ICE2: variants seen among roughly 807,000 people sequenced by gnomAD.
The protein encoded by ICE2 is little elongation complex subunit 2.
ICE2 carries 87 observed loss-of-function variants against 105.4 expected under a neutral mutation model. That is an observed-to-expected ratio of 0.83 (90% CI 0.69 to 0.99). ICE2 has a LOEUF of 0.99. Among genes scored for constraint, ICE2 ranks in the 50% least tolerant of loss-of-function variants. ICE2 has a pLI of 0.00. For synonymous variants in ICE2, 399 were observed against 392.0 expected (o/e 1.02, Z -0.21); for missense variants, 1,323 against 1,146.7 (o/e 1.15, Z -2.22).
At chr15:60,453,565 G>A (rs1392424656) in intron 9 of ICE2, 38 bp downstream of exon 9, 1 of 1,602,704 alleles carries the variant, frequency 6.2e-7, no homozygotes. Flanking sequence ...GGATAAACAA[G>A]TACATTCCCC....
chr15:60,464,808 G>A (rs1203437478), intron 5 of ICE2, among the ~76,000 whole-genome samples: 1 of 152,158 alleles, frequency 6.6e-6, no homozygotes, highest in Non-Finnish European at 1.5e-5. Context: ...TTTGAGGTCA[G>A]GAGTTTGAGA....
At chr15:60,454,333 C>G (rs983500048) in intron 8 of ICE2, among the ~76,000 whole-genome samples, 1 of 152,140 alleles carries the variant, frequency 6.6e-6, no homozygotes, top group Non-Finnish European at 1.5e-5. Context: ...TACTGTTATT[C>G]CAAATTCCAG....
intron 14 of ICE2, among the ~76,000 whole-genome samples, chr15:60,430,968 T>TAA (rs2063445179): frequency 6.6e-6 from 1 of 151,772 alleles, no homozygotes; most frequent in African/African-American, 2.4e-5. Flanking sequence ...GCCTCCCGGG[T>TAA]TCAAGCGATT....
rs1212809959 is a variant in ICE2, at chr15:60,454,894, C to T, written c.943+109G>A. 4.0e-6 allele frequency: 4 copies of T among 1,001,456 alleles called. 1 individual carries two copies. The highest frequency in any genetic ancestry group is 2.9e-5 in the Admixed American group (1 of 34,356). The allele number at this position is 1,001,456 out of a possible 1,614,324, so 62.0% of individuals were successfully genotyped here. On this transcript the variant is annotated intron_variant, in intron 8 of 15. Coordinates refer to ENST00000261520, the MANE Select transcript of ICE2 (RefSeq NM_024611.6). ...TGACAGGCCCCGGTGTGTGTTGTTT[C>T]ACTCTCTGGGTCCATGTGTTCTCAT... is the stretch of plus-strand genomic sequence containing the variant.
chr15:60,475,362 T>C (rs1316150440), intron 3 of ICE2, among the ~76,000 whole-genome samples: 2 of 152,196 alleles, frequency 1.3e-5, no homozygotes, highest in East Asian at 3.8e-4. Context: ...TATTAAAATA[T>C]AAACTGTACA....
At position 60,455,178 on chromosome 15, in the gene ICE2, T is replaced by G; in HGVS notation, c.784-16A>C. 1 of 1,559,124 alleles carries G rather than the reference T, an allele frequency of 6.4e-7. No homozygotes were observed. The highest frequency in any genetic ancestry group is 1.2e-5 in the South Asian group (1 of 80,214). ...TACTAATATCCTGAAAAACAACAAG[T>G]AATTTGTTACTTGGTTATACTTATT... On this transcript the variant is annotated splice_polypyrimidine_tract_variant and intron_variant, in intron 7 of 15. Transcript: ENST00000261520.
Position 60,449,665 on chromosome 15 carries a change from G to A in ICE2, c.1302C>T (p.Ala434=). ...TVPNMTDAPT[A]PKAGTTTVAP... is the part of the protein sequence containing the mutation. ...CCACAGTTGTAGTTCCTGCTTTGGG[G>A]GCTGTAGGAGCATCTGTCATGTTAG... Residue 434 remains alanine, a synonymous_variant, in exon 10 of 16, where the codon GCC becomes GCT. Transcript: ENST00000261520. 6.2e-7 allele frequency: 1 copy of A among 1,614,010 alleles called. No individual in the cohort carries two copies.
chr15:60,467,174 G>A (rs1225027243), intron 4 of ICE2, among the ~76,000 whole-genome samples: 1 of 152,114 alleles, frequency 6.6e-6, no homozygotes, highest in Non-Finnish European at 1.5e-5. Flanking sequence ...TGTTGGCCAA[G>A]CTGGTCTTGA....
Position 60,466,714 on chromosome 15 carries a change from C to A in ICE2, c.409-1G>T. Reference sequence around the variant, plus strand: ...CTTCGTTCACATGTTTTTTCATATCCTGATTTTTAAAAAAGTAGACATGTC... The same window carrying A: ...CTTCGTTCACATGTTTTTTCATATCATGATTTTTAAAAAAGTAGACATGTC... On this transcript the variant is annotated splice_acceptor_variant, in intron 4 of 15. Coordinates refer to ENST00000261520, the MANE Select transcript of ICE2 (RefSeq NM_024611.6). LOFTEE classifies it high-confidence loss of function. The A allele has an allele frequency of 6.3e-7, 1 of 1,593,306 alleles. No homozygotes were observed. The highest frequency in any genetic ancestry group is 8.5e-7 in the Non-Finnish European group (1 of 1,173,582).
At chr15:60,474,635 T>G (rs925014746) in intron 3 of ICE2, among the ~76,000 whole-genome samples, 2 of 152,224 alleles carry the variant, frequency 1.3e-5, no homozygotes, top group African/African-American at 4.8e-5. Flanking sequence ...TTTAAGTTAT[T>G]GATAGGGAAG....
chr15:60,444,545 G>A (rs1278665954), intron 11 of ICE2, among the ~76,000 whole-genome samples: 1 of 152,092 alleles, frequency 6.6e-6, no homozygotes. Context: ...TTCACATAAA[G>A]CACTTAGGAT....
chr15:60,471,241 T>TA (rs1026491014), intron 3 of ICE2, among the ~76,000 whole-genome samples: 12 of 151,700 alleles, frequency 7.9e-5, no homozygotes, highest in African/African-American at 2.2e-4. Flanking sequence ...ATAACACAGG[T>TA]AAAAAAAAGA....
intron 14 of ICE2, among the ~76,000 whole-genome samples, chr15:60,431,201 T>A (rs2063453068): frequency 6.6e-6 from 1 of 151,834 alleles, no homozygotes; most frequent in Non-Finnish European, 1.5e-5. Flanking sequence ...TTTTTAATCT[T>A]GAAAGTGAAA....
intron 12 of ICE2, among the ~76,000 whole-genome samples, chr15:60,436,484 G>A (rs1246059945): frequency 1.3e-5 from 2 of 151,820 alleles, no homozygotes; most frequent in Middle Eastern, 3.4e-3. Context: ...CCACACATAC[G>A]AAATCATTTC....
At chr15:60,445,748 T>C (rs2063808891) in intron 11 of ICE2, 2 of 985,246 alleles carry the variant, frequency 2.0e-6, no homozygotes, top group African/African-American at 1.7e-5. Flanking sequence ...AGGCTATTCT[T>C]ACTTAAGAGA....
intron 12 of ICE2, chr15:60,438,933 G>C (rs909789206): frequency 6.6e-6 from 1 of 152,162 alleles, no homozygotes; most frequent in African/African-American, 2.4e-5. Flanking sequence ...TGTGCATCAA[G>C]GTTGGAAAGC....
chr15:60,477,648 A>T (rs2141184833), intron 2 of ICE2, among the ~76,000 whole-genome samples: 1 of 152,316 alleles, frequency 6.6e-6, no homozygotes, highest in South Asian at 2.1e-4. Flanking sequence ...GACTCAAGAA[A>T]ATTCCAGTAT....
Position 60,476,110 on chromosome 15 carries a change from A to C in ICE2, c.99T>G (p.Asp33Glu), listed in dbSNP as rs779311073. 7.5e-6 allele frequency: 12 copies of C among 1,609,400 alleles called. No homozygotes were observed. The highest frequency in any genetic ancestry group is 1.0e-5 in the Non-Finnish European group (12 of 1,178,264). ...KTFFSRENYK[D>E]HSMAPSLKEL... Reference sequence around the variant, plus strand: ...CTTTTAAACTTGGAGCCATGGAATGATCTTTATAATTTTCTCGAGAGAAAA... The same window carrying C: ...CTTTTAAACTTGGAGCCATGGAATGCTCTTTATAATTTTCTCGAGAGAAAA... Residue 33 changes from aspartate (D) to glutamate (E), a missense_variant, in exon 3 of 16, where the codon GAT (aspartate) becomes GAG (glutamate). Transcript: ENST00000261520.
intron 13 of ICE2, among the ~76,000 whole-genome samples, chr15:60,432,816 C>T (rs1386651826): frequency 4.6e-5 from 7 of 151,806 alleles, no homozygotes; most frequent in Non-Finnish European, 8.8e-5. Flanking sequence ...GGCACGAGCC[C>T]GGGAGGCGGA....
Sources: gnomAD v4.1 joint callset for allele counts (sites outside exome capture counted in the v4.1 genomes callset) on GRCh38, gnomAD v4.1.1 for gene constraint, MANE v1.5 for transcripts, NCBI Gene and HGNC (gene_info 2026-07-23, HGNC 2026-07-21) for gene names.